The following LAMB1 variants were observed in gnomAD, a reference collection of about 807,000 sequenced individuals.
The protein encoded by LAMB1 is laminin subunit beta-1.
In LAMB1, 121 loss-of-function variants were observed where a neutral mutation model predicts 222.3. The ratio of observed to expected loss-of-function variants is 0.54; its 90% CI spans 0.47 to 0.63. The LOEUF (loss-of-function observed/expected upper bound fraction) is 0.63. Among genes scored for constraint, LAMB1 ranks in the 30% least tolerant of loss-of-function variants. The probability of loss-of-function intolerance (pLI) is 0.00; values close to 1 mark genes in which losing one functional copy is unlikely to be tolerated. For synonymous variants in LAMB1, 794 were observed against 807.2 expected, an observed-to-expected ratio of 0.98 and a Z score of 0.28; for missense variants, 2,172 against 2,240.8, an observed-to-expected ratio of 0.97 and a Z score of 0.62.
chr7:107,953,863 T>G, intron 21 of LAMB1, 109 bp from the exon 22 acceptor site: 1 of 879,200 alleles, frequency 1.1e-6, no homozygotes, highest in African/African-American at 1.6e-5. Flanking sequence ...TGCTTCATCT[T>G]CACTGCACTG....
chr7:107,970,359 G>T (rs976047981), intron 13 of LAMB1, among the ~76,000 whole-genome samples: 1 of 151,882 alleles, frequency 6.6e-6, no homozygotes, highest in Non-Finnish European at 1.5e-5. Context: ...GTGGTAGCTG[G>T]TGCCTGTAGT....
At chr7:107,945,214 A>G (rs1584494828) in intron 24 of LAMB1, among the ~76,000 whole-genome samples, 1 of 152,174 alleles carries the variant, frequency 6.6e-6, no homozygotes, top group South Asian at 2.1e-4. Flanking sequence ...TTTCAAACAT[A>G]ATTGTTAAGA....
intron 4 of LAMB1, among the ~76,000 whole-genome samples, chr7:107,996,198 G>A (rs2034277910): frequency 6.6e-6 from 1 of 152,112 alleles, no homozygotes; most frequent in African/African-American, 2.4e-5. Context: ...TGCAAAGCAA[G>A]ACTAGTGCCA....
chr7:107,954,565 G>A (rs1057208847), intron 21 of LAMB1, among the ~76,000 whole-genome samples: 14 of 152,192 alleles, frequency 9.2e-5, no homozygotes, highest in African/African-American at 3.4e-4. Flanking sequence ...ACGAAGTCAG[G>A]AGATCGAGAC....
chr7:107,994,971 T>C lies in LAMB1; in HGVS notation c.350-11A>G, dbSNP rs2034256711. 6.7e-7 allele frequency: 1 copy of C among 1,497,548 alleles called. No individual in the cohort carries two copies. Among genetic ancestry groups the C allele is most frequent in the Admixed American group, 1.8e-5 (1 of 56,678 alleles). 92.8% of individuals were successfully genotyped at this position (1,497,548 alleles called of 1,614,324 possible). Reference sequence around the variant, plus strand: ...TTACATTTTCCACACCTACAGGAGATTTAAAAAAAATAAAACAATAAATGA... The same window carrying C: ...TTACATTTTCCACACCTACAGGAGACTTAAAAAAAATAAAACAATAAATGA... On this transcript the variant is annotated splice_polypyrimidine_tract_variant and intron_variant, in intron 4 of 33. Transcript: ENST00000222399.
rs766976307 is a variant in LAMB1, at chr7:107,929,519, A to G, written c.4638T>C (p.Asp1546=). 2.7e-5 allele frequency: 44 copies of G among 1,613,988 alleles called. No homozygotes were observed. Among genetic ancestry groups the G allele is most frequent in the South Asian group, 4.4e-5 (4 of 91,080 alleles). ...TPQQLQNLTE[D]IRERVESLSQ... Reference sequence around the variant, plus strand: ...AAAGGCTTTCAACTCGTTCACGTATATCTTCTGTCAAGTTCTGTAACTGCT... The same window carrying G: ...AAAGGCTTTCAACTCGTTCACGTATGTCTTCTGTCAAGTTCTGTAACTGCT... The change falls in exon 30 of 34, where the codon GAT becomes GAC. Residue 1546 remains aspartate, a synonymous_variant. Coordinates refer to ENST00000222399, the MANE Select transcript of LAMB1 (RefSeq NM_002291.3).
rs2034419927 is a variant in LAMB1, at chr7:108,002,965, T to A, written c.-80A>T. 6.2e-7 allele frequency: 1 copy of A among 1,606,198 alleles called. No individual in the cohort carries two copies. The highest frequency in any genetic ancestry group is 1.1e-5 in the South Asian group (1 of 90,046). On this transcript the variant is annotated 5_prime_UTR_variant, in exon 2 of 34. The change creates a new upstream start codon in the 5' untranslated region. Coordinates refer to ENST00000222399, the MANE Select transcript of LAMB1 (RefSeq NM_002291.3). ...GAGCCGCCTGCCCTTTCTTCCCGTC[T>A]TCCTTTCTGGAGAGGTGGAAAGGAG...
chr7:107,926,163 A>AAT lies in LAMB1; in HGVS notation c.5064+18_5064+19dup. On this transcript the variant is annotated intron_variant, in intron 32 of 33. Coordinates refer to ENST00000222399, the MANE Select transcript of LAMB1 (RefSeq NM_002291.3). The stretch of plus-strand genomic sequence containing the variant: ...GGCTCCTTTAACAACATAGCTCTGA[A>AAT]ATTACAAAGATTTACGTACCTTCTT... 6.2e-7 allele frequency: 1 copy of AAT among 1,604,294 alleles called. No homozygotes were observed.
chr7:108,001,516 G>A (rs781530454), intron 3 of LAMB1, 42 bp downstream of exon 3: 4 of 1,533,704 alleles, frequency 2.6e-6, no homozygotes, highest in Non-Finnish European at 3.5e-6. Flanking sequence ...CTGGACGGGA[G>A]GAGGCGCTAG....
chr7:107,948,320 A>G (rs1020059073), intron 24 of LAMB1, among the ~76,000 whole-genome samples: 1 of 152,150 alleles, frequency 6.6e-6, no homozygotes, highest in Non-Finnish European at 1.5e-5. Flanking sequence ...CAAAGTATGC[A>G]ATGAGGTCAG....
At chr7:108,000,679 G>A (rs1187850079) in intron 3 of LAMB1, among the ~76,000 whole-genome samples, 1 of 152,182 alleles carries the variant, frequency 6.6e-6, no homozygotes, top group African/African-American at 2.4e-5. Flanking sequence ...AGACAGCTGG[G>A]ACCACAGGTG....
At chr7:107,981,646 A>G (rs2033976322) in intron 7 of LAMB1, among the ~76,000 whole-genome samples, 2 of 152,200 alleles carry the variant, frequency 1.3e-5, no homozygotes, top group Admixed American at 6.5e-5. Context: ...GACTGCTGGA[A>G]CCTGCGGGCA....
chr7:107,929,974 A>G lies in LAMB1; in HGVS notation c.4538-355T>C, dbSNP rs73725013. ...CAGGAACGGCAGAGTATGTTACGGG[A>G]AAGTATAGCAGAGTGAATCTGAACA... On this transcript the variant is annotated intron_variant, in intron 29 of 33. Transcript: ENST00000222399. The G allele has an allele frequency of 6.2e-3, 1,939 of 310,662 alleles. 35 individuals are homozygous for G. The highest frequency in any genetic ancestry group is 0.04 in the African/African-American group (1,820 of 46,000). The allele number at this position is 310,662 out of a possible 1,614,324, so 19.2% of individuals were successfully genotyped here. A position where few individuals can be genotyped will look rare whatever the true frequency, so the allele number is the denominator to read the frequency against.
chr7:108,002,171 G>GGTGTGA (rs1563014123), intron 2 of LAMB1: 1 of 1,418,958 alleles, frequency 7.0e-7, no homozygotes, highest in East Asian at 3.4e-5. Context: ...GCGCATCCTC[G>GGTGTGA]GTGTGAGTGT....
chr7:107,981,991 T>C (rs1296968359), intron 7 of LAMB1, among the ~76,000 whole-genome samples: 1 of 152,220 alleles, frequency 6.6e-6, no homozygotes, highest in African/African-American at 2.4e-5. Flanking sequence ...TTCTCAATAT[T>C]ATATAGTGAC....
chr7:107,965,608 T>C (rs2033618318), intron 13 of LAMB1, among the ~76,000 whole-genome samples: 2 of 152,154 alleles, frequency 1.3e-5, no homozygotes, highest in Non-Finnish European at 1.5e-5. Context: ...ATTAGTATCA[T>C]AATTTTGTAT....
intron 7 of LAMB1, among the ~76,000 whole-genome samples, chr7:107,983,174 G>A (rs1025179816): frequency 2.6e-5 from 4 of 152,188 alleles, no homozygotes; most frequent in African/African-American, 9.7e-5. Flanking sequence ...GACAGGCTGG[G>A]CCACATGTAA....
intron 24 of LAMB1, among the ~76,000 whole-genome samples, chr7:107,941,913 G>T (rs2032996707): frequency 7.1e-6 from 1 of 140,014 alleles, no homozygotes; most frequent in Non-Finnish European, 1.5e-5. Context: ...CCGACCTCAG[G>T]TGATCTGCCT....
intron 24 of LAMB1, 43 bp downstream of exon 24, chr7:107,951,183 T>A: frequency 6.9e-7 from 1 of 1,458,452 alleles, no homozygotes; most frequent in Non-Finnish European, 9.6e-7. Context: ...CCCAGTTCCC[T>A]CCACTCTCTG....
Sources: gnomAD v4.1 joint callset for allele counts (sites outside exome capture counted in the v4.1 genomes callset) on GRCh38, gnomAD v4.1.1 for gene constraint, MANE v1.5 for transcripts, NCBI Gene and HGNC (gene_info 2026-07-23, HGNC 2026-07-21) for gene names.